ZNF667: variants seen among roughly 807,000 people sequenced by gnomAD.
The protein encoded by ZNF667 is myocardial ischemic preconditioning upregulated 1 ortholog.
In ZNF667, 13 loss-of-function variants were observed where a neutral mutation model predicts 31.8. The observed-to-expected ratio is 0.41, with a 90% CI of 0.27 to 0.65. ZNF667 has a LOEUF of 0.65. Among genes scored for constraint, ZNF667 ranks in the 30% least tolerant of loss-of-function variants. The pLI is 0.32. For synonymous variants in ZNF667, 228 were observed against 247.1 expected (o/e 0.92, Z 0.73); for missense variants, 642 against 725.6 (o/e 0.88, Z 1.32).
intron 6 of ZNF667, among the ~76,000 whole-genome samples, chr19:56,451,713 G>T (rs1407341463): frequency 6.6e-6 from 1 of 151,502 alleles, no homozygotes; most frequent in East Asian, 2.0e-4. Flanking sequence ...TAAAAAAAAT[G>T]CAAAAATTAG....
At chr19:56,453,969 C>T (rs1196161177) in intron 6 of ZNF667, among the ~76,000 whole-genome samples, 3 of 152,090 alleles carry the variant, frequency 2.0e-5, no homozygotes, top group Non-Finnish European at 4.4e-5. Flanking sequence ...GAAACTATTA[C>T]AACTGATAAA....
intron 5 of ZNF667, among the ~76,000 whole-genome samples, 166 bp from the exon 6 acceptor site, chr19:56,458,413 A>T (rs1181066190): frequency 1.3e-5 from 2 of 152,180 alleles, no homozygotes; most frequent in Non-Finnish European, 2.9e-5. Flanking sequence ...TTATAAGAAT[A>T]TGTATTTGCT....
At chr19:56,464,381 C>T (rs1322678523) in intron 3 of ZNF667, among the ~76,000 whole-genome samples, 1 of 152,062 alleles carries the variant, frequency 6.6e-6, no homozygotes. Context: ...GTAGTCCTAG[C>T]TACTTGGGAG....
At chr19:56,456,689 AG>A (rs1449030338) in intron 6 of ZNF667, among the ~76,000 whole-genome samples, 1 of 152,246 alleles carries the variant, frequency 6.6e-6, no homozygotes, top group Non-Finnish European at 1.5e-5. Flanking sequence ...ATAGGACATG[AG>A]AGACTAGTAA....
Position 56,476,932 on chromosome 19 carries a change from C to T in ZNF667, c.-662+340G>A, listed in dbSNP as rs559083028. The T allele has an allele frequency of 4.2e-4, 64 of 153,188 alleles. 1 individual carries two copies. The highest frequency in any genetic ancestry group is 1.3e-3 in the African/African-American group (54 of 41,596). The allele number at this position is 153,188 out of a possible 1,614,324, so 9.5% of individuals were successfully genotyped here. A position where few individuals can be genotyped will look rare whatever the true frequency, so the allele number is the denominator to read the frequency against. ...ACCCACTCCCGGCTTCCCAATGGCT[C>T]CATTGTTTCCTTCGCGTGGGTCACG... On this transcript the variant is annotated intron_variant, in intron 1 of 6. Coordinates refer to ENST00000504904, the MANE Select transcript of ZNF667 (RefSeq NM_001321356.2).
chr19:56,462,018 C>T (rs2043055506), intron 4 of ZNF667, among the ~76,000 whole-genome samples: 1 of 152,256 alleles, frequency 6.6e-6, no homozygotes, highest in South Asian at 2.1e-4. Context: ...TGAGAAATCA[C>T]AGTGGCTCTC....
intron 6 of ZNF667, among the ~76,000 whole-genome samples, chr19:56,451,204 A>C (rs1305337206): frequency 2.0e-5 from 3 of 152,222 alleles, no homozygotes; most frequent in Non-Finnish European, 4.4e-5. Context: ...ATAGAGCTTA[A>C]GACAAAAAGT....
At chr19:56,450,722 T>C (rs993968034) in intron 6 of ZNF667, among the ~76,000 whole-genome samples, 1 of 152,166 alleles carries the variant, frequency 6.6e-6, no homozygotes, top group African/African-American at 2.4e-5. Context: ...GCAGAGGAGA[T>C]AAATTTAAAG....
intron 4 of ZNF667, among the ~76,000 whole-genome samples, chr19:56,461,026 T>C (rs1158270940): frequency 6.6e-6 from 1 of 152,224 alleles, no homozygotes; most frequent in Admixed American, 6.5e-5. Context: ...TTATGTTGCA[T>C]TAAGAACACG....
chr19:56,439,407 G>A lies in ZNF667; in HGVS notation c.*1755C>T, dbSNP rs998259913. 1.3e-5 allele frequency: 2 copies of A among 152,212 alleles called. No homozygotes were observed. The highest frequency in any genetic ancestry group is 1.5e-5 in the Non-Finnish European group (1 of 68,030). 9.4% of individuals were successfully genotyped at this position (152,212 alleles called of 1,614,324 possible). On this transcript the variant is annotated 3_prime_UTR_variant, in exon 7 of 7. Coordinates refer to ENST00000504904, the MANE Select transcript of ZNF667 (RefSeq NM_001321356.2). Reference sequence around the variant, plus strand: ...GCAGAGACTGAAAGCTACTACACATGTTGAACTGCTGACAGGAAAAGAACC... The same window carrying A: ...GCAGAGACTGAAAGCTACTACACATATTGAACTGCTGACAGGAAAAGAACC...
At chr19:56,469,950 CA>C (rs1272675853) in intron 3 of ZNF667, 5 of 492,406 alleles carry the variant, frequency 1.0e-5, no homozygotes, top group Non-Finnish European at 2.0e-5. Flanking sequence ...TCACATGTAT[CA>C]GGTGCCACTT....
intron 1 of ZNF667, chr19:56,474,895 C>T (rs1016070085): frequency 6.6e-6 from 1 of 151,930 alleles, no homozygotes; most frequent in African/African-American, 2.4e-5. Context: ...TTTAGAATAA[C>T]GTTCGAGTCT....
At chr19:56,471,200 T>G (rs1235795370) in intron 3 of ZNF667, among the ~76,000 whole-genome samples, 2 of 151,834 alleles carry the variant, frequency 1.3e-5, no homozygotes, top group Non-Finnish European at 2.9e-5. Flanking sequence ...GTAAGACACC[T>G]CCTCCCACTT....
upstream of ZNF667, chr19:56,477,920 C>G (rs1010612299): frequency 6.6e-6 from 1 of 152,492 alleles, no homozygotes; most frequent in Non-Finnish European, 1.5e-5. Context: ...CCACCCAGAA[C>G]GTGAGGTGAA....
rs188102894 is a variant in ZNF667 at position 56,444,357 on chromosome 19, G to A, written c.254-1616C>T. 6 of 396,948 alleles carry A rather than the reference G, an allele frequency of 1.5e-5. No homozygotes were observed. The East Asian group carries it at 2.1e-4, about 14-fold the overall frequency. The allele number at this position is 396,948 out of a possible 1,614,324, so 24.6% of individuals were successfully genotyped here. The stretch of plus-strand genomic sequence containing the variant: ...CAAGGAGAGAGAGTGTGGAGGAGGT[G>A]CCACATATTACAACGATCAGATTTT... On this transcript the variant is annotated intron_variant, in intron 6 of 6. Coordinates refer to ENST00000504904, the MANE Select transcript of ZNF667 (RefSeq NM_001321356.2).
At chr19:56,472,741 C>T (rs1203358217) in intron 2 of ZNF667, 1 of 152,134 alleles carries the variant, frequency 6.6e-6, no homozygotes, top group Non-Finnish European at 1.5e-5. Context: ...TGTTAATAGA[C>T]TGTGTAGGTT....
Position 56,441,595 on chromosome 19 carries a change from C to G in ZNF667, c.1400G>C (p.Gly467Ala). Reference sequence around the variant, plus strand: ...TTCCTCACACTGGTAGGGTTTTTCTCCAGTATGAATTCTTTGATGTTCAAT... The same window carrying G: ...TTCCTCACACTGGTAGGGTTTTTCTGCAGTATGAATTCTTTGATGTTCAAT... ...FLIEHQRIHT[G>A]EKPYQCEECG... Residue 467 changes from glycine (G) to alanine (A), a missense_variant, in exon 7 of 7, where the codon GGA becomes GCA. Gly to Ala is a moderately conservative substitution (Grantham distance 60). Transcript: ENST00000504904. The surrounding 1 kb of genome is among the most constrained non-coding windows in gnomAD (Gnocchi z 4.2). 1 of 1,614,118 alleles carries G rather than the reference C, an allele frequency of 6.2e-7. No homozygotes were observed. The highest frequency in any genetic ancestry group is 8.5e-7 in the Non-Finnish European group (1 of 1,180,016).
At chr19:56,458,989 G>T (rs1487847704) in intron 5 of ZNF667, among the ~76,000 whole-genome samples, 1 of 152,162 alleles carries the variant, frequency 6.6e-6, no homozygotes, top group East Asian at 1.9e-4. Context: ...CTCTGAAGTA[G>T]GGGACAGTCC....
At chr19:56,468,581 C>T (rs1014026243) in intron 3 of ZNF667, 4 of 152,220 alleles carry the variant, frequency 2.6e-5, no homozygotes, top group African/African-American at 9.7e-5. Flanking sequence ...GGGCACATGT[C>T]AGGACCTCCT....
Sources: gnomAD v4.1 joint callset for allele counts (sites outside exome capture counted in the v4.1 genomes callset) on GRCh38, gnomAD v4.1.1 for gene constraint, Gnocchi (gnomAD v3.1) non-coding constraint, MANE v1.5 for transcripts, NCBI Gene and HGNC (gene_info 2026-07-23, HGNC 2026-07-21) for gene names.